PCDHGA4: variants seen among roughly 807,000 people sequenced by gnomAD.
The protein encoded by PCDHGA4 is protocadherin gamma subfamily A, 4.
Under a neutral mutation model 54.6 loss-of-function variants are expected in PCDHGA4, and 38 were observed. The observed-to-expected ratio is 0.70, with a 90% CI of 0.54 to 0.91. PCDHGA4 has a LOEUF of 0.91. Ranked by LOEUF, PCDHGA4 falls within the 40% of genes least tolerant of loss-of-function variation. The probability of loss-of-function intolerance (pLI) is 0.00; values close to 1 mark genes in which losing one functional copy is unlikely to be tolerated. For synonymous variants in PCDHGA4, 511 were observed against 512.9 expected (o/e 1.00, Z 0.05); for missense variants, 1,298 against 1,220.9 (o/e 1.06, Z -0.94).
chr5:141,415,210 C>G lies in PCDHGA4; in HGVS notation c.2514+57589C>G, dbSNP rs2095843973. The G allele has an allele frequency of 2.5e-6, 4 of 1,614,068 alleles. No individual in the cohort carries two copies. The highest frequency in any genetic ancestry group is 1.6e-4 in the Middle Eastern group (1 of 6,062). ...CAGCATCCCCCAAGTCCTGGCGGAC[C>G]TCGGCAGCTTCGAGTCTCCAGCTAA... is the stretch of plus-strand genomic sequence containing the variant. On this transcript the variant is annotated intron_variant, in intron 1 of 3. Coordinates refer to ENST00000571252, the MANE Select transcript of PCDHGA4 (RefSeq NM_018917.4).
chr5:141,404,540 A>G, intron 1 of PCDHGA4: 2 of 1,613,920 alleles, frequency 1.2e-6, no homozygotes, highest in Non-Finnish European at 1.7e-6. Context: ...AGATTTGCAA[A>G]TGCAGGTGAC....
chr5:141,450,815 ATAT>A (rs1420984335), intron 1 of PCDHGA4, among the ~76,000 whole-genome samples: 6 of 126,742 alleles, frequency 4.7e-5, no homozygotes, highest in South Asian at 2.4e-4. Flanking sequence ...TATTTATTTA[ATAT>A]TATTATTATT....
intron 1 of PCDHGA4, chr5:141,414,397 T>C: frequency 6.2e-7 from 1 of 1,613,920 alleles, no homozygotes; most frequent in Middle Eastern, 1.6e-4. Context: ...TTATTACAGA[T>C]TGGTGATACA....
chr5:141,444,762 T>A (rs767523211), intron 1 of PCDHGA4, among the ~76,000 whole-genome samples: 2 of 152,248 alleles, frequency 1.3e-5, no homozygotes, highest in Non-Finnish European at 2.9e-5. Flanking sequence ...TAGTTCTATT[T>A]CTATATTCTT....
chr5:141,417,704 A>G, intron 1 of PCDHGA4: 2 of 1,207,460 alleles, frequency 1.7e-6, no homozygotes, highest in Non-Finnish European at 1.1e-6. Context: ...GCTCCCACAC[A>G]GAGGCTCCCG....
rs752680691 is a variant in PCDHGA4, at chr5:141,433,173, G to A, written c.2515-61634G>A. Reference sequence around the variant, plus strand: ...TCGGTATTTTCTAAAGACAGTCATGGGTTAATTGAGGTGAGTTTATATCAA... The same window carrying A: ...TCGGTATTTTCTAAAGACAGTCATGAGTTAATTGAGGTGAGTTTATATCAA... On this transcript the variant is annotated intron_variant, in intron 1 of 3. Coordinates refer to ENST00000571252, the MANE Select transcript of PCDHGA4 (RefSeq NM_018917.4). 3.1e-6 allele frequency: 5 copies of A among 1,610,344 alleles called. 1 individual carries two copies. In the Middle Eastern group the frequency reaches 5.0e-4, roughly 160 times the overall value.
chr5:141,450,776 C>G (rs757791026), intron 1 of PCDHGA4, among the ~76,000 whole-genome samples: 1 of 151,440 alleles, frequency 6.6e-6, no homozygotes, highest in Non-Finnish European at 1.5e-5. Flanking sequence ...CATGAGCCAC[C>G]GTGCCCGGAC....
chr5:141,486,282 C>T lies in PCDHGA4; in HGVS notation c.2515-8525C>T. ...AGTGCAGAACCTGGCACTGTGGTGGCACTTATCAGTGTGCAGGATCCAGAC... is the reference window on the plus strand; with the variant it reads ...AGTGCAGAACCTGGCACTGTGGTGGTACTTATCAGTGTGCAGGATCCAGAC... On this transcript the variant is annotated intron_variant, in intron 1 of 3. Transcript: ENST00000571252. This position sits in a 1 kb window ranked among gnomAD's most constrained non-coding sequence, Gnocchi z 5.0. 6.2e-7 allele frequency: 1 copy of T among 1,614,052 alleles called. No homozygotes were observed. Among genetic ancestry groups the T allele is most frequent in the Non-Finnish European group, 8.5e-7 (1 of 1,179,992 alleles).
At chr5:141,366,535 G>T (rs1463456881) in intron 1 of PCDHGA4, 2 of 1,614,262 alleles carry the variant, frequency 1.2e-6, no homozygotes. Context: ...TGGCGGGTGT[G>T]CCCGCCTCGC....
At chr5:141,362,136 C>G in intron 1 of PCDHGA4, 1 of 1,614,042 alleles carries the variant, frequency 6.2e-7, no homozygotes, top group African/African-American at 1.3e-5. Context: ...TCGCGGATAG[C>G]CTGCAAGAGG....
chr5:141,462,597 T>C (rs182073985), intron 1 of PCDHGA4, among the ~76,000 whole-genome samples: 1 of 152,320 alleles, frequency 6.6e-6, no homozygotes, highest in East Asian at 1.9e-4. Context: ...TTCCATTTCA[T>C]ATATTGTATT....
chr5:141,430,637 G>A (rs2097298854), intron 1 of PCDHGA4: 1 of 890,676 alleles, frequency 1.1e-6, no homozygotes, highest in Admixed American at 2.8e-5. Context: ...ACCATCCCTG[G>A]GAGTATGTGG....
chr5:141,360,908 G>GCTTC, intron 1 of PCDHGA4: 1 of 1,614,016 alleles, frequency 6.2e-7, no homozygotes, highest in African/African-American at 1.3e-5. Flanking sequence ...GTGCCGCCGG[G>GCTTC]CTTCTTTGTG....
At chr5:141,426,916 A>T (rs1227752756) in intron 1 of PCDHGA4, 2 of 456,618 alleles carry the variant, frequency 4.4e-6, no homozygotes, top group Non-Finnish European at 4.4e-6. Context: ...CTGGTCCTGG[A>T]AGCAATGGAC....
rs747235974 is a variant in PCDHGA4 at position 141,355,555 on chromosome 5, G to A, written c.448G>A (p.Val150Ile). ...LLEDTVKILR[V>I]EVEIIDVNDN... ...AGAAGATACAGTGAAGATTTTGCGG[G>A]TAGAGGTGGAAATAATCGATGTTAA... The change falls in exon 1 of 4, where the codon GTA becomes ATA. Residue 150 changes from valine to isoleucine, a missense_variant. Transcript: ENST00000571252. 6.2e-6 allele frequency: 10 copies of A among 1,613,946 alleles called. No homozygotes were observed. The African/African-American group carries it at 1.1e-4, about 17-fold the overall frequency.
chr5:141,455,541 A>G (rs2098825752), intron 1 of PCDHGA4, among the ~76,000 whole-genome samples: 1 of 152,134 alleles, frequency 6.6e-6, no homozygotes, highest in African/African-American at 2.4e-5. Context: ...CATATCATTC[A>G]CGTAGCCCGA....
At chr5:141,423,107 T>G (rs1590430250) in intron 1 of PCDHGA4, 1 of 1,613,696 alleles carries the variant, frequency 6.2e-7, no homozygotes, top group East Asian at 2.2e-5. Flanking sequence ...ACGGGCGAGG[T>G]GCGTACAGCG....
In PCDHGA4 at chr5:141,476,714, C is replaced by G. The variant is rs146188020; in HGVS notation, c.2515-18093C>G. 3.1e-6 allele frequency: 5 copies of G among 1,614,036 alleles called. No individual in the cohort carries two copies. Among genetic ancestry groups the G allele is most frequent in the African/African-American group, 2.7e-5 (2 of 74,938 alleles). ...CAAGTACGCGGAGCTGGTGTTGGAGCGCGCCCTGGACCGAGAACGGGAGCC... is the reference window on the plus strand; with the variant it reads ...CAAGTACGCGGAGCTGGTGTTGGAGGGCGCCCTGGACCGAGAACGGGAGCC... On this transcript the variant is annotated intron_variant, in intron 1 of 3. Transcript: ENST00000571252. This position sits in a 1 kb window ranked among gnomAD's most constrained non-coding sequence, Gnocchi z 7.6.
At chr5:141,436,752 A>G (rs2097844842) in intron 1 of PCDHGA4, among the ~76,000 whole-genome samples, 2 of 152,194 alleles carry the variant, frequency 1.3e-5, no homozygotes, top group South Asian at 4.1e-4. Context: ...GCTTCTCCAT[A>G]TGGTATAATG....
Sources: allele counts gnomAD v4.1 joint callset (sites outside exome capture counted in the v4.1 genomes callset), GRCh38; gene constraint gnomAD v4.1.1; non-coding constraint Gnocchi (gnomAD v3.1); transcripts MANE v1.5; gene names NCBI Gene and HGNC (gene_info 2026-07-23, HGNC 2026-07-21).